SNTG1: variants seen among roughly 807,000 people sequenced by gnomAD.
The protein encoded by SNTG1 is syntrophin gamma 1, also known as gamma-1-syntrophin.
A neutral mutation model predicts 74.7 loss-of-function variants in SNTG1; 39 were observed. The ratio of observed to expected loss-of-function variants is 0.52; its 90% CI spans 0.40 to 0.68. The LOEUF (loss-of-function observed/expected upper bound fraction) is 0.68, where lower values mean the gene tolerates loss of function less well. SNTG1 is among the 30% of genes least tolerant of loss of function. SNTG1 has a pLI of 0.00. For synonymous variants in SNTG1, 254 were observed against 217.1 expected, an observed-to-expected ratio of 1.17 and a Z score of -1.49; for missense variants, 685 against 609.5, an observed-to-expected ratio of 1.12 and a Z score of -1.30.
At chr8:50,634,230 C>T (rs1238373588) in intron 13 of SNTG1, among the ~76,000 whole-genome samples, 1 of 152,150 alleles carries the variant, frequency 6.6e-6, no homozygotes, top group Non-Finnish European at 1.5e-5. Context: ...AATCTGTTGC[C>T]AATAGCTTAG....
At chr8:50,191,741 C>T (rs1479676159) in intron 2 of SNTG1, among the ~76,000 whole-genome samples, 1 of 152,030 alleles carries the variant, frequency 6.6e-6, no homozygotes, top group African/African-American at 2.4e-5. Context: ...CCTCACCCCA[C>T]AACAGGCCCC....
At chr8:50,211,302 C>T (rs919744936) in intron 2 of SNTG1, among the ~76,000 whole-genome samples, 1 of 151,786 alleles carries the variant, frequency 6.6e-6, no homozygotes, top group Non-Finnish European at 1.5e-5. Context: ...TTAAATGCAC[C>T]CTTAGAAACA....
At chr8:50,367,956 A>G (rs2092162454) in intron 2 of SNTG1, among the ~76,000 whole-genome samples, 2 of 152,112 alleles carry the variant, frequency 1.3e-5, no homozygotes, top group African/African-American at 4.8e-5. Flanking sequence ...AGGTTGGCTG[A>G]GTTTTGAGGT....
At chr8:50,237,108 A>C (rs1021084219) in intron 2 of SNTG1, among the ~76,000 whole-genome samples, 3 of 152,204 alleles carry the variant, frequency 2.0e-5, no homozygotes, top group African/African-American at 7.2e-5. Flanking sequence ...ATCACACATT[A>C]AATCTTTTTT....
chr8:50,721,976 G>A (rs1563780817), intron 17 of SNTG1, among the ~76,000 whole-genome samples: 1 of 152,056 alleles, frequency 6.6e-6, no homozygotes, highest in Admixed American at 6.6e-5. Context: ...GCCATCAAAT[G>A]ATTCAGTGTC....
intron 17 of SNTG1, among the ~76,000 whole-genome samples, chr8:50,742,641 G>A (rs1037643915): frequency 7.9e-5 from 12 of 151,322 alleles, no homozygotes; most frequent in African/African-American, 2.2e-4. Context: ...AGAAAAAGAC[G>A]AGTAGACTGA....
At chr8:50,589,519 A>G (rs1301878157) in intron 12 of SNTG1, among the ~76,000 whole-genome samples, 1 of 151,860 alleles carries the variant, frequency 6.6e-6, no homozygotes, top group African/African-American at 2.4e-5. Context: ...ACTACTTTCT[A>G]TCATGAAGTG....
At chr8:50,651,536 C>T (rs1044623499) in intron 13 of SNTG1, among the ~76,000 whole-genome samples, 1 of 152,024 alleles carries the variant, frequency 6.6e-6, no homozygotes, top group Non-Finnish European at 1.5e-5. Context: ...TGGCTCACTG[C>T]AACCTCCACC....
intron 1 of SNTG1, among the ~76,000 whole-genome samples, chr8:49,966,131 T>C (rs1342324187): frequency 6.6e-6 from 1 of 152,216 alleles, no homozygotes; most frequent in Non-Finnish European, 1.5e-5. Flanking sequence ...ACTATTTTTC[T>C]TGTCTCTATT....
At chr8:50,305,272 GA>G (rs1177543149) in intron 2 of SNTG1, among the ~76,000 whole-genome samples, 1 of 151,856 alleles carries the variant, frequency 6.6e-6, no homozygotes, top group African/African-American at 2.4e-5. Flanking sequence ...CTATAGCAAT[GA>G]AAAAAATCTA....
At chr8:50,695,227 G>A (rs759790950) in intron 15 of SNTG1, among the ~76,000 whole-genome samples, 6 of 150,696 alleles carry the variant, frequency 4.0e-5, no homozygotes, top group African/African-American at 7.3e-5. Flanking sequence ...AAAAAAAACC[G>A]TTAAAAATAG....
chr8:50,682,325 C>A (rs570714058), intron 15 of SNTG1, among the ~76,000 whole-genome samples: 11 of 151,796 alleles, frequency 7.2e-5, no homozygotes, highest in African/African-American at 2.7e-4. Context: ...GCTGGAGTGG[C>A]GGGGTGGGTA....
intron 2 of SNTG1, among the ~76,000 whole-genome samples, chr8:50,184,860 G>A (rs2083325681): frequency 6.6e-6 from 1 of 151,808 alleles, no homozygotes; most frequent in Non-Finnish European, 1.5e-5. Flanking sequence ...TCCTTTTTGT[G>A]GTATTTAAGT....
At chr8:50,783,381 C>T (rs2095665744) in intron 18 of SNTG1, among the ~76,000 whole-genome samples, 1 of 152,186 alleles carries the variant, frequency 6.6e-6, no homozygotes, top group African/African-American at 2.4e-5. Flanking sequence ...CTTTGTTTAC[C>T]TAAGAAAGCC....
At chr8:50,785,309 C>T (rs183083624) in intron 18 of SNTG1, among the ~76,000 whole-genome samples, 52 of 150,992 alleles carry the variant, frequency 3.4e-4, no homozygotes, top group African/African-American at 1.1e-3. Context: ...AACCAAACAG[C>T]GAGAGAGAGA....
intron 12 of SNTG1, among the ~76,000 whole-genome samples, chr8:50,555,860 A>G (rs906680701): frequency 1.3e-5 from 2 of 152,158 alleles, no homozygotes; most frequent in African/African-American, 4.8e-5. Context: ...ATCACATTTT[A>G]TTGTAAAGCT....
At chr8:50,326,666 T>C (rs574288910) in intron 2 of SNTG1, among the ~76,000 whole-genome samples, 1 of 150,100 alleles carries the variant, frequency 6.7e-6, no homozygotes, top group African/African-American at 2.5e-5. Context: ...AAAAATTTTC[T>C]CTATTGATTT....
chr8:50,321,107 A>C (rs756070929), intron 2 of SNTG1, among the ~76,000 whole-genome samples: 7 of 152,108 alleles, frequency 4.6e-5, no homozygotes, highest in African/African-American at 7.2e-5. Context: ...TGTCTGAATA[A>C]TCAGTCCAAT....
chr8:50,081,867 G>T (rs1165958267), intron 1 of SNTG1, among the ~76,000 whole-genome samples: 1 of 152,012 alleles, frequency 6.6e-6, no homozygotes, highest in East Asian at 1.9e-4. Flanking sequence ...TCTTGACCTC[G>T]AGATCCACTC....
Sources: gnomAD v4.1 joint callset for allele counts (sites outside exome capture counted in the v4.1 genomes callset) on GRCh38, gnomAD v4.1.1 for gene constraint, MANE v1.5 for transcripts, NCBI Gene and HGNC (gene_info 2026-07-23, HGNC 2026-07-21) for gene names.